RSRC1: variants seen among roughly 807,000 people sequenced by gnomAD.
RSRC1 encodes serine/Arginine-related protein 53.
In RSRC1, 39 loss-of-function variants were observed where a neutral mutation model predicts 49.1. That is an observed-to-expected ratio of 0.79 (90% confidence interval 0.61 to 1.04). The LOEUF (loss-of-function observed/expected upper bound fraction) is 1.04, where lower values mean the gene tolerates loss of function less well. Among genes scored for constraint, RSRC1 ranks in the 50% least tolerant of loss-of-function variants. The pLI is 0.00. For missense variants in RSRC1, 388 were observed against 402.4 expected, an observed-to-expected ratio of 0.96 and a Z score of 0.31; for synonymous variants, 143 against 130.8, an observed-to-expected ratio of 1.09 and a Z score of -0.63.
At chr3:158,198,380 T>C (rs1053056147) in intron 3 of RSRC1, among the ~76,000 whole-genome samples, 9 of 152,188 alleles carry the variant, frequency 5.9e-5, no homozygotes, top group African/African-American at 2.2e-4. Context: ...TGAGCTTATG[T>C]GTATCTCTGC....
At chr3:158,237,277 T>TGAGAATAA (rs1221862569) in intron 4 of RSRC1, among the ~76,000 whole-genome samples, 2 of 152,198 alleles carry the variant, frequency 1.3e-5, no homozygotes, top group African/African-American at 4.8e-5. Context: ...TTTTGGCTAA[T>TGAGAATAA]GAGAATAAAG....
At chr3:158,541,779 G>A (rs891840447) in intron 8 of RSRC1, among the ~76,000 whole-genome samples, 14 of 151,902 alleles carry the variant, frequency 9.2e-5, no homozygotes, top group African/African-American at 2.7e-4. Flanking sequence ...TTCAGCTTCT[G>A]ATCTAATCCA....
At chr3:158,228,755 A>ATG (rs1290316290) in intron 4 of RSRC1, among the ~76,000 whole-genome samples, 1 of 151,054 alleles carries the variant, frequency 6.6e-6, no homozygotes, top group Non-Finnish European at 1.5e-5. Context: ...TTGTTTATAT[A>ATG]TGTGTGTGTG....
At chr3:158,425,718 A>G (rs151055621) in intron 6 of RSRC1, among the ~76,000 whole-genome samples, 18,027 of 151,900 alleles carry the variant, frequency 0.12, 1,318 homozygotes, top group Middle Eastern at 0.19. Context: ...GTGGGAGTCT[A>G]AGTCTCTTTG....
In RSRC1 at chr3:158,544,904, C is replaced by T. The variant is rs947675754; in HGVS notation, c.*629C>T. ...CTCATTGTTTTAGAAATCACATGTT[C>T]ATGCTAGACCTAACCAGTTGGCCAA... On this transcript the variant is annotated 3_prime_UTR_variant, in exon 10 of 10. Coordinates refer to ENST00000611884, the MANE Select transcript of RSRC1 (RefSeq NM_001271838.2). The T allele has an allele frequency of 1.3e-5, 2 of 152,126 alleles. No homozygotes were observed. The highest frequency in any genetic ancestry group is 6.6e-5 in the Admixed American group (1 of 15,266). 9.4% of individuals were successfully genotyped at this position (152,126 alleles called of 1,614,324 possible). A position where few individuals can be genotyped will look rare whatever the true frequency, so the allele number is the denominator to read the frequency against.
chr3:158,176,174 AT>A (rs1174930803), intron 3 of RSRC1, among the ~76,000 whole-genome samples: 1 of 152,234 alleles, frequency 6.6e-6, no homozygotes, highest in Non-Finnish European at 1.5e-5. Context: ...ATGGAAGAAC[AT>A]TCCATGCTAA....
intron 4 of RSRC1, among the ~76,000 whole-genome samples, chr3:158,235,743 G>T (rs900609999): frequency 6.6e-6 from 1 of 152,114 alleles, no homozygotes; most frequent in Non-Finnish European, 1.5e-5. Flanking sequence ...GTATAAAATG[G>T]TTTTTAAAAT....
intron 7 of RSRC1, among the ~76,000 whole-genome samples, chr3:158,529,214 G>GTGTGTGTATATATATATATATA (rs374368016): frequency 2.1e-5 from 3 of 143,126 alleles, no homozygotes; most frequent in African/African-American, 7.9e-5. Context: ...ATGTGTGTGT[G>GTGTGTGTATATATATATATATA]TATATATATA....
At chr3:158,110,564 C>T (rs1355673000) in intron 1 of RSRC1, 3 of 152,700 alleles carry the variant, frequency 2.0e-5, no homozygotes, top group Non-Finnish European at 2.9e-5. Context: ...TTTCCTGGCT[C>T]ATCTTGCAAT....
intron 3 of RSRC1, among the ~76,000 whole-genome samples, chr3:158,135,798 T>C (rs527997877): frequency 6.6e-6 from 1 of 152,342 alleles, no homozygotes; most frequent in East Asian, 1.9e-4. Flanking sequence ...CTAGTCATAC[T>C]TGTAGTGTTT....
chr3:158,263,423 T>C (rs560197657), intron 4 of RSRC1, among the ~76,000 whole-genome samples: 1 of 152,342 alleles, frequency 6.6e-6, no homozygotes, highest in South Asian at 2.1e-4. Flanking sequence ...GCATTTGCTT[T>C]GCTAATATTA....
At chr3:158,430,312 CAGA>C (rs1735716636) in intron 6 of RSRC1, among the ~76,000 whole-genome samples, 2 of 151,858 alleles carry the variant, frequency 1.3e-5, no homozygotes, top group Admixed American at 1.3e-4. Context: ...CCCCAGAGCT[CAGA>C]AGGACAGCAG....
At chr3:158,413,684 A>G (rs145335426) in intron 6 of RSRC1, among the ~76,000 whole-genome samples, 101 of 152,322 alleles carry the variant, frequency 6.6e-4, no homozygotes, top group Admixed American at 1.4e-3. Context: ...AAGGACATGA[A>G]CAGATACTTC....
intron 4 of RSRC1, among the ~76,000 whole-genome samples, chr3:158,279,122 A>G (rs1301268408): frequency 6.6e-6 from 1 of 152,204 alleles, no homozygotes; most frequent in Non-Finnish European, 1.5e-5. Flanking sequence ...GGTATTAAAA[A>G]TTAAATGTCA....
intron 4 of RSRC1, among the ~76,000 whole-genome samples, chr3:158,239,721 TA>T (rs548958560): frequency 9.9e-5 from 15 of 151,140 alleles, no homozygotes; most frequent in South Asian, 8.4e-4. Flanking sequence ...CTTAAAGTAT[TA>T]AAAAAAAATG....
chr3:158,254,735 T>C (rs916350147), intron 4 of RSRC1, among the ~76,000 whole-genome samples: 1 of 152,110 alleles, frequency 6.6e-6, no homozygotes, highest in African/African-American at 2.4e-5. Context: ...CCTGGCCGTT[T>C]CCTGACTTTT....
chr3:158,400,623 A>G (rs910525653), intron 6 of RSRC1, among the ~76,000 whole-genome samples: 2 of 152,088 alleles, frequency 1.3e-5, no homozygotes, highest in African/African-American at 4.8e-5. Flanking sequence ...TGTTTGTGTC[A>G]TAGTTTTTAA....
intron 7 of RSRC1, among the ~76,000 whole-genome samples, chr3:158,509,174 G>T (rs1339406161): frequency 6.6e-6 from 1 of 152,086 alleles, no homozygotes; most frequent in Admixed American, 6.6e-5. Context: ...TCATTTTTGT[G>T]TAGGATGTGA....
chr3:158,261,464 T>C (rs888694590), intron 4 of RSRC1, among the ~76,000 whole-genome samples: 2 of 152,222 alleles, frequency 1.3e-5, no homozygotes, highest in East Asian at 3.8e-4. Context: ...GGGTTATTTT[T>C]CCCTTATGAC....
Sources: gnomAD v4.1 joint callset for allele counts (sites outside exome capture counted in the v4.1 genomes callset) on GRCh38, gnomAD v4.1.1 for gene constraint, MANE v1.5 for transcripts, NCBI Gene and HGNC (gene_info 2026-07-23, HGNC 2026-07-21) for gene names.